MEGF9: variants seen among roughly 807,000 people sequenced by gnomAD.
MEGF9 encodes multiple epidermal growth factor-like domains protein 9.
In MEGF9, 6 loss-of-function variants were observed where a neutral mutation model predicts 46.8. The observed-to-expected ratio is 0.13, with a 90% CI of 0.07 to 0.25. MEGF9 has a LOEUF of 0.25. MEGF9 is among the 10% of genes least tolerant of loss of function. MEGF9 has a pLI of 1.00. For missense variants in MEGF9, 683 were observed against 792.4 expected (o/e 0.86, Z 1.66); for synonymous variants, 302 against 330.7 (o/e 0.91, Z 0.94).
At chr9:120,669,728 T>C (rs150371178) in intron 1 of MEGF9, among the ~76,000 whole-genome samples, 26 of 152,262 alleles carry the variant, frequency 1.7e-4, no homozygotes, top group Middle Eastern at 6.8e-3. Context: ...ATATTTAATA[T>C]GGTTATTTCT....
chr9:120,605,691 T>C lies in MEGF9; in HGVS notation c.1358-50A>G. 7.4e-7 allele frequency: 1 copy of C among 1,348,078 alleles called. No individual in the cohort carries two copies. Among genetic ancestry groups the C allele is most frequent in the East Asian group, 2.5e-5 (1 of 39,850 alleles). The allele number at this position is 1,348,078 out of a possible 1,614,324, so 83.5% of individuals were successfully genotyped here. A position where few individuals can be genotyped will look rare whatever the true frequency, so the allele number is the denominator to read the frequency against. The stretch of plus-strand genomic sequence containing the variant: ...ATGTAAAAGACAAAATTATCTAGTT[T>C]TGAGAAACAATAAAAGAAATACGCA... On this transcript the variant is annotated intron_variant, in intron 5 of 5. Transcript: ENST00000373930. This position sits in a 1 kb window ranked among gnomAD's most constrained non-coding sequence, Gnocchi z 4.0.
intron 1 of MEGF9, among the ~76,000 whole-genome samples, chr9:120,712,455 A>G (rs1282693756): frequency 2.0e-5 from 3 of 152,180 alleles, no homozygotes; most frequent in African/African-American, 7.2e-5. Context: ...ACTCTCAACC[A>G]CTATGCTTCC....
chr9:120,665,143 T>C (rs1173093333), intron 1 of MEGF9, among the ~76,000 whole-genome samples: 2 of 152,194 alleles, frequency 1.3e-5, no homozygotes, highest in Non-Finnish European at 2.9e-5. Context: ...TTTATATCCA[T>C]TAACCAATCT....
In MEGF9 at chr9:120,612,439, G is replaced by A. The variant is rs771982025; in HGVS notation, c.1044C>T (p.Arg348=). 1 of 1,613,684 alleles carries A rather than the reference G, an allele frequency of 6.2e-7. No individual in the cohort carries two copies. The highest frequency in any genetic ancestry group is 1.3e-5 in the African/African-American group (1 of 75,022). ...TAGATGTCACTGCTGAACAAGGGCA[G>A]CGAAGACATTCTTTAGTGGCATCAG... The part of the protein sequence containing the change: ...QSPDATKECL[R]CPCSAVTSTG... Residue 348 remains arginine (R), a synonymous_variant, in exon 4 of 6, where the codon CGC becomes CGT. Transcript: ENST00000373930.
At chr9:120,614,478 A>G (rs987384163) in intron 3 of MEGF9, among the ~76,000 whole-genome samples, 1 of 152,232 alleles carries the variant, frequency 6.6e-6, no homozygotes, top group African/African-American at 2.4e-5. Context: ...ATAACAAAGT[A>G]GTATATATTC....
chr9:120,689,084 G>GA (rs1260253886), intron 1 of MEGF9, among the ~76,000 whole-genome samples: 5 of 152,134 alleles, frequency 3.3e-5, no homozygotes, highest in Non-Finnish European at 7.4e-5. Flanking sequence ...ATAGCAGAGA[G>GA]AAAAACAAAG....
At chr9:120,610,710 G>A (rs888015873) in intron 4 of MEGF9, among the ~76,000 whole-genome samples, 2 of 152,234 alleles carry the variant, frequency 1.3e-5, no homozygotes, top group Middle Eastern at 3.4e-3. Context: ...ACTGTAGTAC[G>A]AGAGCTTGAG....
At chr9:120,642,672 T>G (rs1027927413) in intron 2 of MEGF9, among the ~76,000 whole-genome samples, 2 of 152,216 alleles carry the variant, frequency 1.3e-5, no homozygotes, top group Non-Finnish European at 2.9e-5. Context: ...CCTTCAAATA[T>G]CCACAATATC....
chr9:120,714,123 C>T lies in MEGF9; in HGVS notation c.236G>A (p.Arg79Lys). 8.1e-7 allele frequency: 1 copy of T among 1,241,996 alleles called. No homozygotes were observed. Among genetic ancestry groups the T allele is most frequent in the Non-Finnish European group, 1.0e-6 (1 of 992,968 alleles). The allele number at this position is 1,241,996 out of a possible 1,614,324, so 76.9% of individuals were successfully genotyped here. A position where few individuals can be genotyped will look rare whatever the true frequency, so the allele number is the denominator to read the frequency against. The change falls in exon 1 of 6, where the codon AGG (arginine) becomes AAG (lysine). Residue 79 changes from arginine (R) to lysine (K), a missense_variant. Physicochemically the swap from Arg to Lys is conservative, Grantham distance 26 (BLOSUM62 2). Around this residue, in one of 2 missense-constraint regions of MEGF9, gnomAD observed 370 missense variants for 371.3 expected, o/e 1.00. Transcript: ENST00000373930. ...GACGGTGGCGCGCGGGGGCCCGGTC[C>T]TCGGGGCCTGGGCCGTGGGAGCCGT... ...RATAPTAQAP[R>K]TGPPRATVHR...
At chr9:120,658,427 T>C (rs906622837) in intron 2 of MEGF9, among the ~76,000 whole-genome samples, 2 of 152,262 alleles carry the variant, frequency 1.3e-5, no homozygotes, top group Admixed American at 1.3e-4. Context: ...AAACATGTTC[T>C]CTCATTTCAG....
rs79093260 is a variant in MEGF9, at chr9:120,670,765, C to T, written c.602-11190G>A. Among the ~76,000 whole-genome samples the T allele has an allele frequency of 5.7e-3, 861 of 152,240 alleles. 5 individuals carry two copies. The highest frequency in any genetic ancestry group is 0.01 in the Non-Finnish European group (711 of 68,016). On this transcript the variant is annotated intron_variant, in intron 1 of 5. Transcript: ENST00000373930. ...CCTCCAACTGCGCTCTTTATCACAT[C>T]CTCTCCCAGAGCTCTTTCCAGGACT... is the stretch of plus-strand genomic sequence containing the variant.
chr9:120,702,952 G>A (rs930218247), intron 1 of MEGF9, among the ~76,000 whole-genome samples: 3 of 152,094 alleles, frequency 2.0e-5, no homozygotes, highest in African/African-American at 7.2e-5. Context: ...AAAGAACTTA[G>A]GATCCCACAT....
intron 5 of MEGF9, among the ~76,000 whole-genome samples, chr9:120,606,085 T>C (rs1054250671): frequency 3.3e-5 from 5 of 151,142 alleles, no homozygotes; most frequent in African/African-American, 9.8e-5. Flanking sequence ...GGCAGAGAAC[T>C]GTTTGAAGCT....
chr9:120,710,135 T>C (rs2043946736), intron 1 of MEGF9, among the ~76,000 whole-genome samples: 1 of 151,534 alleles, frequency 6.6e-6, no homozygotes, highest in Non-Finnish European at 1.5e-5. Context: ...CTGCTTAAAA[T>C]GTCCTACCCA....
chr9:120,639,444 G>A (rs374305628), intron 2 of MEGF9, among the ~76,000 whole-genome samples: 27 of 149,740 alleles, frequency 1.8e-4, no homozygotes, highest in Admixed American at 6.0e-4. Context: ...GGAGGCAGAG[G>A]TTGCAATGAG....
intron 1 of MEGF9, among the ~76,000 whole-genome samples, chr9:120,669,177 A>G (rs971852070): frequency 6.6e-6 from 1 of 152,180 alleles, no homozygotes; most frequent in Non-Finnish European, 1.5e-5. Context: ...TCAGAAGGCA[A>G]TTTCCTTTGA....
chr9:120,660,139 T>C (rs894370339), intron 1 of MEGF9, among the ~76,000 whole-genome samples: 1 of 152,142 alleles, frequency 6.6e-6, no homozygotes, highest in Non-Finnish European at 1.5e-5. Flanking sequence ...TGAATGTCTT[T>C]CCCAAATTAA....
intron 1 of MEGF9, among the ~76,000 whole-genome samples, chr9:120,711,715 A>T (rs2043953676): frequency 6.6e-6 from 1 of 152,206 alleles, no homozygotes; most frequent in Non-Finnish European, 1.5e-5. Context: ...CTTTCTACTT[A>T]AATGCTACTG....
At chr9:120,641,441 A>G (rs1023795897) in intron 2 of MEGF9, among the ~76,000 whole-genome samples, 14 of 152,210 alleles carry the variant, frequency 9.2e-5, no homozygotes, top group African/African-American at 3.4e-4. Flanking sequence ...TACAATTCTC[A>G]TAAAAACAAA....
Sources: allele counts gnomAD v4.1 joint callset (sites outside exome capture counted in the v4.1 genomes callset), GRCh38; gene constraint gnomAD v4.1.1; regional missense constraint gnomAD v4.1.1; non-coding constraint Gnocchi (gnomAD v3.1); transcripts MANE v1.5; gene names NCBI Gene and HGNC (gene_info 2026-07-23, HGNC 2026-07-21).